Variants in BCL2 observed in about 807,000 individuals in gnomAD.
BCL2 encodes the protein apoptosis regulator Bcl-2.
A neutral mutation model predicts 14.2 loss-of-function variants in BCL2; 1 was observed. That is an observed-to-expected ratio of 0.07 (90% CI 0.02 to 0.33). The LOEUF (loss-of-function observed/expected upper bound fraction) is 0.33. Among genes scored for constraint, BCL2 ranks in the 10% least tolerant of loss-of-function variants. The pLI, the probability that BCL2 is intolerant of heterozygous loss-of-function variation, is 0.99. For missense variants in BCL2, 247 were observed against 305.9 expected (o/e 0.81, Z 1.44); for synonymous variants, 151 against 137.2 (o/e 1.10, Z -0.70).
At chr18:63,263,233 T>G (rs541420107) in intron 2 of BCL2, among the ~76,000 whole-genome samples, 1 of 152,282 alleles carries the variant, frequency 6.6e-6, no homozygotes, top group African/African-American at 2.4e-5. Context: ...CTACAGAATA[T>G]TCTAGTAGCA....
chr18:63,199,002 CACAG>C (rs1156535781), intron 2 of BCL2, among the ~76,000 whole-genome samples: 2 of 146,654 alleles, frequency 1.4e-5, no homozygotes, highest in Non-Finnish European at 3.0e-5. Flanking sequence ...CACAGACATA[CACAG>C]ACACACACAG....
chr18:63,200,263 G>C (rs1401650434), intron 2 of BCL2, among the ~76,000 whole-genome samples: 1 of 152,152 alleles, frequency 6.6e-6, no homozygotes, highest in African/African-American at 2.4e-5. Flanking sequence ...CATTTCACTG[G>C]AATCCTTACT....
intron 2 of BCL2, among the ~76,000 whole-genome samples, chr18:63,172,212 G>C (rs1453909737): frequency 6.6e-6 from 1 of 152,182 alleles, no homozygotes. Flanking sequence ...AATTTCTAAA[G>C]ATGGACAGAG....
intron 2 of BCL2, among the ~76,000 whole-genome samples, chr18:63,179,337 G>A (rs1320665375): frequency 6.6e-6 from 1 of 152,228 alleles, no homozygotes; most frequent in Non-Finnish European, 1.5e-5. Context: ...AGAGAAAGCT[G>A]CTCCGGTTGG....
At chr18:63,176,306 G>T (rs1489218706) in intron 2 of BCL2, among the ~76,000 whole-genome samples, 1 of 152,210 alleles carries the variant, frequency 6.6e-6, no homozygotes, top group Non-Finnish European at 1.5e-5. Flanking sequence ...TGACACTAGA[G>T]ACCCAGTGGG....
chr18:63,129,930 G>A (rs1914021736), intron 2 of BCL2, among the ~76,000 whole-genome samples: 1 of 152,138 alleles, frequency 6.6e-6, no homozygotes, highest in Non-Finnish European at 1.5e-5. Context: ...CTCAAATTGT[G>A]GATCTCACAA....
chr18:63,276,725 C>A (rs58140924), intron 2 of BCL2, among the ~76,000 whole-genome samples: 19 of 152,168 alleles, frequency 1.2e-4, no homozygotes, highest in African/African-American at 4.6e-4. Context: ...CATCTGCAGC[C>A]ATCTGGATTT....
chr18:63,154,690 C>T (rs2144611742), intron 2 of BCL2, among the ~76,000 whole-genome samples: 1 of 152,288 alleles, frequency 6.6e-6, no homozygotes, highest in East Asian at 1.9e-4. Context: ...CCCCACCTCC[C>T]CATCATGCCC....
chr18:63,133,754 C>T (rs1914134522), intron 2 of BCL2, among the ~76,000 whole-genome samples: 1 of 152,236 alleles, frequency 6.6e-6, no homozygotes, highest in East Asian at 1.9e-4. Context: ...TAAAGGTAAA[C>T]ATGGAGACCT....
intron 2 of BCL2, among the ~76,000 whole-genome samples, chr18:63,244,110 T>C (rs1399977926): frequency 6.6e-6 from 1 of 152,156 alleles, no homozygotes; most frequent in Non-Finnish European, 1.5e-5. Context: ...CCCGGCACAG[T>C]GGCTCATGCT....
rs573387250 is a variant in BCL2, at chr18:63,304,723, C to G, written c.585+13359G>C. ...AGCCTAGTACCCATTAGTTATTTTT[C>G]CTGATGGTCCAATGCGGCATTTTCT... On this transcript the variant is annotated intron_variant, in intron 2 of 2. Transcript: ENST00000333681. 8.8e-4 allele frequency among the ~76,000 whole-genome samples: 134 copies of G among 152,190 alleles called. 2 individuals carry two copies. Among genetic ancestry groups the G allele is most frequent in the African/African-American group, 3.1e-3 (129 of 41,504 alleles).
chr18:63,194,054 T>C, intron 2 of BCL2, among the ~76,000 whole-genome samples: 1 of 152,220 alleles, frequency 6.6e-6, no homozygotes. Context: ...GCTCCCACAG[T>C]AATCCAAATT....
rs143807022 is a variant in BCL2, at chr18:63,302,987, A to G, written c.585+15095T>C. On this transcript the variant is annotated intron_variant, in intron 2 of 2. Transcript: ENST00000333681. ...TTTGTTTTTAAGTAGAATAAAATGT[A>G]CAGCTGAATATAAAAACAGATACAT... 1.1e-3 allele frequency: 611 copies of G among 570,404 alleles called. 1 individual carries two copies. The African/African-American group carries it at 0.012, about 11-fold the overall frequency. The allele number at this position is 570,404 out of a possible 1,614,324, so 35.3% of individuals were successfully genotyped here. A position where few individuals can be genotyped will look rare whatever the true frequency, so the allele number is the denominator to read the frequency against.
chr18:63,206,838 G>A (rs968161140), intron 2 of BCL2, among the ~76,000 whole-genome samples: 1 of 152,122 alleles, frequency 6.6e-6, no homozygotes, highest in Admixed American at 6.6e-5. Flanking sequence ...TGGAGGCAGT[G>A]GGGCGGGGAG....
chr18:63,140,752 A>G (rs7240319), intron 2 of BCL2, among the ~76,000 whole-genome samples: 2,259 of 152,356 alleles, frequency 0.015, 85 homozygotes, highest in East Asian at 0.14. Flanking sequence ...CCTTTTGAAT[A>G]TGCTAAAAAC....
At chr18:63,219,499 C>T (rs1161030352) in intron 2 of BCL2, among the ~76,000 whole-genome samples, 1 of 149,182 alleles carries the variant, frequency 6.7e-6, no homozygotes, top group Non-Finnish European at 1.5e-5. Context: ...CTCTGTCGCC[C>T]AGGGTAGAAC....
intron 2 of BCL2, among the ~76,000 whole-genome samples, chr18:63,212,623 T>A (rs1910066241): frequency 6.6e-6 from 1 of 151,956 alleles, no homozygotes; most frequent in African/African-American, 2.4e-5. Context: ...ACAACTGTAA[T>A]CCCAGCACTT....
intron 2 of BCL2, among the ~76,000 whole-genome samples, chr18:63,150,862 G>A (rs1914635253): frequency 6.6e-6 from 1 of 152,016 alleles, no homozygotes. Context: ...GTGAGAAGGG[G>A]TATTAGGTCT....
chr18:63,206,475 G>A (rs1248175783), intron 2 of BCL2, among the ~76,000 whole-genome samples: 2 of 152,164 alleles, frequency 1.3e-5, no homozygotes, highest in Non-Finnish European at 2.9e-5. Flanking sequence ...ATTTCCCAAT[G>A]CTTTCATCAG....
Sources: allele counts gnomAD v4.1 joint callset (sites outside exome capture counted in the v4.1 genomes callset), GRCh38; gene constraint gnomAD v4.1.1; transcripts MANE v1.5; gene names NCBI Gene and HGNC (gene_info 2026-07-23, HGNC 2026-07-21).